Variants in DLG2 observed in about 807,000 individuals in gnomAD.
The protein encoded by DLG2 is discs large MAGUK scaffold protein 2.
Under a neutral mutation model 132.5 loss-of-function variants are expected in DLG2, and 45 were observed. That is an observed-to-expected ratio of 0.34 (90% CI 0.27 to 0.44). The LOEUF (loss-of-function observed/expected upper bound fraction) is 0.44, where lower values mean the gene tolerates loss of function less well. Ranked by LOEUF, DLG2 falls within the 20% of genes least tolerant of loss-of-function variation. The pLI is 1.00. For synonymous variants in DLG2, 424 were observed against 419.6 expected (o/e 1.01, Z -0.13); for missense variants, 1,045 against 1,196.9 (o/e 0.87, Z 1.87).
intron 21 of DLG2, among the ~76,000 whole-genome samples, chr11:83,512,774 C>T (rs759696522): frequency 4.6e-5 from 7 of 151,518 alleles, no homozygotes; most frequent in Admixed American, 6.6e-5. Flanking sequence ...TGAGTGAGAA[C>T]GTGAGCTGTT....
chr11:84,514,209 G>GT (rs2099265566), intron 7 of DLG2, among the ~76,000 whole-genome samples: 1 of 152,082 alleles, frequency 6.6e-6, no homozygotes, highest in Non-Finnish European at 1.5e-5. Flanking sequence ...TGGTGGGGAT[G>GT]TGGAGAAAAG....
intron 7 of DLG2, chr11:84,272,287 A>C: frequency 2.3e-6 from 1 of 438,300 alleles, no homozygotes; most frequent in East Asian, 7.3e-5. Flanking sequence ...AACTTCAAGG[A>C]AGATTTATTC....
chr11:83,653,508 C>A (rs1011077073), intron 18 of DLG2, among the ~76,000 whole-genome samples: 1 of 152,196 alleles, frequency 6.6e-6, no homozygotes, highest in Admixed American at 6.5e-5. Flanking sequence ...GCAGGCTACA[C>A]CTTGGGCCCC....
At chr11:85,251,587 A>C (rs1345179462) in intron 4 of DLG2, among the ~76,000 whole-genome samples, 1 of 152,182 alleles carries the variant, frequency 6.6e-6, no homozygotes, top group Non-Finnish European at 1.5e-5. Context: ...GGTGAGGCTT[A>C]AAGAAGCTTT....
At chr11:84,903,544 G>A (rs1049449147) in intron 6 of DLG2, among the ~76,000 whole-genome samples, 3 of 152,124 alleles carry the variant, frequency 2.0e-5, no homozygotes, top group Non-Finnish European at 4.4e-5. Context: ...ATCCCTGATA[G>A]TTGGCATTGT....
At chr11:83,577,926 A>C (rs2096906923) in intron 19 of DLG2, among the ~76,000 whole-genome samples, 1 of 132,926 alleles carries the variant, frequency 7.5e-6, no homozygotes, top group South Asian at 2.2e-4. Flanking sequence ...ATATATATTT[A>C]TAATATATAA....
At chr11:83,637,020 T>C (rs1378896942) in intron 18 of DLG2, among the ~76,000 whole-genome samples, 1 of 152,142 alleles carries the variant, frequency 6.6e-6, no homozygotes, top group African/African-American at 2.4e-5. Flanking sequence ...GGTTTATAAA[T>C]ATAAATGGTG....
intron 19 of DLG2, among the ~76,000 whole-genome samples, chr11:83,572,802 T>C (rs2096820139): frequency 6.6e-6 from 1 of 152,130 alleles, no homozygotes; most frequent in South Asian, 2.1e-4. Context: ...CAAGAGTCCT[T>C]TCTTACTCTG....
At chr11:85,357,105 T>A (rs559761573) in intron 3 of DLG2, among the ~76,000 whole-genome samples, 4 of 152,228 alleles carry the variant, frequency 2.6e-5, no homozygotes, top group African/African-American at 4.8e-5. Context: ...TAGTACTTTT[T>A]AAAATGATTT....
At chr11:85,223,641 T>G (rs2074799112) in intron 4 of DLG2, among the ~76,000 whole-genome samples, 1 of 151,962 alleles carries the variant, frequency 6.6e-6, no homozygotes, top group South Asian at 2.1e-4. Context: ...CTGCTGTTTT[T>G]TTGTTGTTGT....
intron 11 of DLG2, among the ~76,000 whole-genome samples, chr11:84,031,094 G>A (rs990792716): frequency 2.6e-5 from 4 of 152,040 alleles, no homozygotes; most frequent in African/African-American, 9.7e-5. Flanking sequence ...ACCCAGAAAA[G>A]CCCCAGAAAG....
chr11:85,046,540 T>G (rs923228413), intron 6 of DLG2, among the ~76,000 whole-genome samples: 1 of 151,844 alleles, frequency 6.6e-6, no homozygotes, highest in South Asian at 2.1e-4. Flanking sequence ...CTATTCCTAA[T>G]GTAATCCACC....
intron 11 of DLG2, among the ~76,000 whole-genome samples, chr11:84,002,160 C>T (rs1475676807): frequency 6.6e-6 from 1 of 152,096 alleles, no homozygotes; most frequent in Non-Finnish European, 1.5e-5. Context: ...TGATAAACTA[C>T]CACCTAAAAT....
At chr11:84,816,146 T>C (rs2077063663) in intron 6 of DLG2, among the ~76,000 whole-genome samples, 1 of 152,012 alleles carries the variant, frequency 6.6e-6, no homozygotes, top group Admixed American at 6.6e-5. Flanking sequence ...CAACACCTTT[T>C]TGAGTTGCTC....
chr11:85,559,029 A>T (rs2077078573), intron 3 of DLG2, among the ~76,000 whole-genome samples: 1 of 151,876 alleles, frequency 6.6e-6, no homozygotes, highest in South Asian at 2.1e-4. Context: ...AAGCTGTGAG[A>T]AGCCCTGAAA....
intron 11 of DLG2, among the ~76,000 whole-genome samples, chr11:84,044,513 G>A (rs2096193355): frequency 6.6e-6 from 1 of 151,658 alleles, no homozygotes; most frequent in South Asian, 2.1e-4. Context: ...TTTTGTGCCT[G>A]AGCAATAGCT....
At chr11:84,705,782 A>T (rs1406549354) in intron 6 of DLG2, among the ~76,000 whole-genome samples, 1 of 151,832 alleles carries the variant, frequency 6.6e-6, no homozygotes, top group Non-Finnish European at 1.5e-5. Flanking sequence ...AAAATATCTT[A>T]AAAATGAAGT....
intron 15 of DLG2, among the ~76,000 whole-genome samples, chr11:83,887,058 C>T (rs979805670): frequency 3.3e-5 from 5 of 152,100 alleles, no homozygotes; most frequent in Admixed American, 3.3e-4. Context: ...CAAGAGCAAA[C>T]ACATTTGAAA....
intron 7 of DLG2, among the ~76,000 whole-genome samples, chr11:84,327,244 C>A (rs544407934): frequency 6.6e-6 from 1 of 151,214 alleles, no homozygotes; most frequent in African/African-American, 2.4e-5. Flanking sequence ...CCACCATGCC[C>A]GGCTAATTTT....
Sources: allele counts gnomAD v4.1 joint callset (sites outside exome capture counted in the v4.1 genomes callset), GRCh38; gene constraint gnomAD v4.1.1; transcripts MANE v1.5; gene names NCBI Gene and HGNC (gene_info 2026-07-23, HGNC 2026-07-21).